GATAD2A: variants seen among roughly 807,000 people sequenced by gnomAD.
GATAD2A encodes transcriptional repressor p66-alpha.
A neutral mutation model predicts 68.5 loss-of-function variants in GATAD2A; 12 were observed. The observed-to-expected ratio is 0.18, with a 90% CI of 0.11 to 0.28. The LOEUF is 0.28. Among genes scored for constraint, GATAD2A ranks in the 10% least tolerant of loss-of-function variants. GATAD2A has a pLI of 1.00. For synonymous variants in GATAD2A, 410 were observed against 375.3 expected (o/e 1.09, Z -1.07); for missense variants, 755 against 868.5 (o/e 0.87, Z 1.64).
intron 1 of GATAD2A, among the ~76,000 whole-genome samples, chr19:19,464,141 T>A (rs1277258764): frequency 6.6e-6 from 1 of 152,114 alleles, no homozygotes; most frequent in Non-Finnish European, 1.5e-5. Flanking sequence ...TCTGGCAAGA[T>A]GAGTGCCCTG....
At position 19,409,896 on chromosome 19, in the gene GATAD2A, C is replaced by T. The variant is rs530235525; in HGVS notation, c.-7+3877C>T. Among the ~76,000 whole-genome samples, 9 of 152,220 alleles carry T rather than the reference C, an allele frequency of 5.9e-5. No individual in the cohort carries two copies. The South Asian group carries it at 1.9e-3, about 32-fold the overall frequency. On this transcript the variant is annotated intron_variant, in intron 1 of 11. Transcript: ENST00000683918. ...TGTGCTTTCCAGACTATATTTGTGA[C>T]CTCTTTTTGTCTGATGGAAATGTAG... is the stretch of plus-strand genomic sequence containing the variant.
At chr19:19,413,061 T>C (rs549670546) in intron 1 of GATAD2A, among the ~76,000 whole-genome samples, 20 of 152,320 alleles carry the variant, frequency 1.3e-4, no homozygotes, top group Admixed American at 3.3e-4. Flanking sequence ...TAAATGCATT[T>C]GATATTTTCT....
chr19:19,419,745 A>C (rs2052117174), intron 1 of GATAD2A, among the ~76,000 whole-genome samples: 1 of 151,874 alleles, frequency 6.6e-6, no homozygotes, highest in African/African-American at 2.4e-5. Context: ...TGAACTCCTG[A>C]CCTCAGGTGA....
intron 1 of GATAD2A, chr19:19,436,275 T>G (rs1217323341): frequency 5.4e-6 from 5 of 933,786 alleles, no homozygotes; most frequent in Non-Finnish European, 8.0e-6. Context: ...TCCAGCAGGC[T>G]TCGGTCAGCT....
At chr19:19,501,579 C>T (rs534116785) in intron 9 of GATAD2A, among the ~76,000 whole-genome samples, 163 bp downstream of exon 9, 88 of 152,350 alleles carry the variant, frequency 5.8e-4, no homozygotes, top group Non-Finnish European at 1.0e-3. Context: ...TTTCTTTAGA[C>T]TTTGTAGCTC....
chr19:19,411,119 G>T (rs1258462344), intron 1 of GATAD2A, among the ~76,000 whole-genome samples: 1 of 152,200 alleles, frequency 6.6e-6, no homozygotes, highest in Admixed American at 6.5e-5. Flanking sequence ...TCAGCTTTGT[G>T]CCCCAGCCTA....
intron 1 of GATAD2A, chr19:19,429,335 A>G: frequency 1.7e-6 from 1 of 596,510 alleles, no homozygotes; most frequent in Non-Finnish European, 2.1e-6. Flanking sequence ...TGGCCATGGG[A>G]ACGGTGCGTG....
intron 1 of GATAD2A, among the ~76,000 whole-genome samples, chr19:19,431,705 A>T (rs1235893601): frequency 6.6e-6 from 1 of 151,764 alleles, no homozygotes. Context: ...AAAAAAAAAA[A>T]AAAAAAATTT....
chr19:19,406,271 C>T (rs2050234625), intron 1 of GATAD2A, among the ~76,000 whole-genome samples: 1 of 151,748 alleles, frequency 6.6e-6, no homozygotes, highest in South Asian at 2.1e-4. Context: ...AAAGTCGCGG[C>T]GTCGCCCCGC....
intron 2 of GATAD2A, chr19:19,474,292 CAGTG>C (rs922289866): frequency 9.0e-5 from 30 of 335,008 alleles, no homozygotes; most frequent in Non-Finnish European, 1.1e-4. Context: ...GTGCCCGAGA[CAGTG>C]AGTTCTGACT....
intron 11 of GATAD2A, among the ~76,000 whole-genome samples, chr19:19,505,013 G>A (rs1404909601): frequency 2.0e-5 from 3 of 152,146 alleles, no homozygotes; most frequent in Non-Finnish European, 4.4e-5. Flanking sequence ...TTTGTTTATG[G>A]TTTTCCACTG....
intron 1 of GATAD2A, among the ~76,000 whole-genome samples, chr19:19,392,015 T>C (rs2048872973): frequency 6.6e-6 from 1 of 152,114 alleles, no homozygotes; most frequent in South Asian, 2.1e-4. Flanking sequence ...AAGTTTGACT[T>C]CATCCTCTCA....
chr19:19,492,725 C>T lies in GATAD2A; in HGVS notation c.534+13C>T, dbSNP rs200059060. 9 of 1,613,780 alleles carry T rather than the reference C, an allele frequency of 5.6e-6. No homozygotes were observed. The East Asian group carries it at 1.6e-4, about 28-fold the overall frequency. On this transcript the variant is annotated intron_variant, in intron 4 of 11. Coordinates refer to ENST00000683918, the MANE Select transcript of GATAD2A (RefSeq NM_001384528.1). ...CACCGCCCAGAAGGTGCGTGCCTGTCTCCCCTCCTTCCTGGGCCAGCAGGA... is the reference window on the plus strand; with the variant it reads ...CACCGCCCAGAAGGTGCGTGCCTGTTTCCCCTCCTTCCTGGGCCAGCAGGA...
In GATAD2A at chr19:19,498,797, C is replaced by G. The variant is rs1307619342; in HGVS notation, c.1204+75C>G. On this transcript the variant is annotated intron_variant, in intron 8 of 11. Transcript: ENST00000683918. The stretch of plus-strand genomic sequence containing the variant: ...GTGCTGCCCCGTGGGTTCTTTCCAA[C>G]ACACAGCAGAGGCTGGGGCAGGGCT... 1.3e-5 allele frequency: 17 copies of G among 1,326,376 alleles called. No homozygotes were observed. In the East Asian group the frequency reaches 3.9e-4, roughly 31 times the overall value. The allele number at this position is 1,326,376 out of a possible 1,614,324, so 82.2% of individuals were successfully genotyped here.
At chr19:19,452,564 A>G (rs2056501789) in intron 1 of GATAD2A, among the ~76,000 whole-genome samples, 1 of 151,840 alleles carries the variant, frequency 6.6e-6, no homozygotes, top group South Asian at 2.1e-4. Context: ...GCTGGACAGG[A>G]CATAGATTGC....
chr19:19,385,921 C>T (rs1304346233), exon 1 of GATAD2A: 1 of 148,904 alleles, frequency 6.7e-6, no homozygotes, highest in East Asian at 1.9e-4. Context: ...GTCAGCGCCC[C>T]GGCGCGCGCA....
At chr19:19,451,262 T>TC (rs1212009709) in intron 1 of GATAD2A, among the ~76,000 whole-genome samples, 2 of 151,044 alleles carry the variant, frequency 1.3e-5, no homozygotes, top group African/African-American at 4.9e-5. Flanking sequence ...GTGCCTGTAA[T>TC]CCCAGCTACT....
Position 19,502,439 on chromosome 19 carries a change from A to G in GATAD2A, c.1687A>G (p.Ser563Gly). The G allele has an allele frequency of 1.2e-6, 2 of 1,613,686 alleles. No individual in the cohort carries two copies. The highest frequency in any genetic ancestry group is 1.7e-6 in the Non-Finnish European group (2 of 1,179,920). ...QNSASATALVSRTGRHSERTV... is the reference protein window; with the variant it reads ...QNSASATALVGRTGRHSERTV... Reference sequence around the variant, plus strand: ...CTCAGCCTCGGCCACAGCCCTGGTCAGCAGGACCGGCAGACATTCTGAGAG... The same window carrying G: ...CTCAGCCTCGGCCACAGCCCTGGTCGGCAGGACCGGCAGACATTCTGAGAG... The change falls in exon 11 of 12, where the codon AGC (serine) becomes GGC (glycine). Residue 563 changes from serine (S) to glycine (G), a missense_variant. By Grantham distance (56) the Ser-to-Gly change is moderately conservative. Transcript: ENST00000683918.
intron 1 of GATAD2A, among the ~76,000 whole-genome samples, chr19:19,415,455 T>C (rs2051491522): frequency 7.5e-6 from 1 of 132,806 alleles, no homozygotes; most frequent in Non-Finnish European, 1.6e-5. Flanking sequence ...ACGCCCAGCC[T>C]TTTTTTTTTT....
Sources: allele counts gnomAD v4.1 joint callset (sites outside exome capture counted in the v4.1 genomes callset), GRCh38; gene constraint gnomAD v4.1.1; transcripts MANE v1.5; gene names NCBI Gene and HGNC (gene_info 2026-07-23, HGNC 2026-07-21).